Variants in LCMT1 observed in about 807,000 individuals in gnomAD.
LCMT1 encodes the protein [Phosphatase 2A protein]-leucine-carboxy methyltransferase 1.
A neutral mutation model predicts 47.7 loss-of-function variants in LCMT1; 32 were observed. That is an observed-to-expected ratio of 0.67 (90% CI 0.51 to 0.90). LCMT1 has a LOEUF of 0.90. Ranked by LOEUF, LCMT1 falls within the 40% of genes least tolerant of loss-of-function variation. The probability of loss-of-function intolerance (pLI) is 0.00; values close to 1 mark genes in which losing one functional copy is unlikely to be tolerated. For synonymous variants in LCMT1, 152 were observed against 149.7 expected (o/e 1.02, Z -0.11); for missense variants, 375 against 415.2 (o/e 0.90, Z 0.84).
At chr16:25,125,180 G>A (rs1381207146) in intron 1 of LCMT1, among the ~76,000 whole-genome samples, 1 of 152,230 alleles carries the variant, frequency 6.6e-6, no homozygotes, top group Non-Finnish European at 1.5e-5. Context: ...ACAGTGTCAT[G>A]CAGGGTGCAG....
intron 2 of LCMT1, among the ~76,000 whole-genome samples, chr16:25,131,944 G>A (rs1248764785): frequency 6.6e-6 from 1 of 152,176 alleles, no homozygotes; most frequent in Non-Finnish European, 1.5e-5. Context: ...GGGTGGAGGT[G>A]AAGGGAACAG....
chr16:25,144,448 T>C (rs1960789176), intron 4 of LCMT1: 1 of 152,378 alleles, frequency 6.6e-6, no homozygotes, highest in East Asian at 1.9e-4. Context: ...GTCTTTGCAT[T>C]CTCAAGAGGC....
chr16:25,143,563 C>T (rs534918703), intron 4 of LCMT1: 1 of 152,212 alleles, frequency 6.6e-6, no homozygotes, highest in Non-Finnish European at 1.5e-5. Flanking sequence ...CTTGACCCGT[C>T]CAGTAAAAGT....
At position 25,170,017 on chromosome 16, in the gene LCMT1, C is replaced by T. The variant is rs187886708; in HGVS notation, c.793-697C>T. Among the ~76,000 whole-genome samples, 785 of 152,024 alleles carry T rather than the reference C, an allele frequency of 5.2e-3. 9 individuals carry two copies. Among genetic ancestry groups the T allele is most frequent in the African/African-American group, 0.018 (746 of 41,466 alleles). On this transcript the variant is annotated intron_variant, in intron 8 of 10. Coordinates refer to ENST00000399069, the MANE Select transcript of LCMT1 (RefSeq NM_016309.3). ...GGCGGATCACCTGAGTTCAGGAGTTCGACACTAGCCTGGCCAACATGGTGA... is the reference window on the plus strand; with the variant it reads ...GGCGGATCACCTGAGTTCAGGAGTTTGACACTAGCCTGGCCAACATGGTGA...
chr16:25,166,669 G>A (rs918468751), intron 7 of LCMT1, among the ~76,000 whole-genome samples: 5 of 152,074 alleles, frequency 3.3e-5, no homozygotes, highest in Admixed American at 3.3e-4. Flanking sequence ...TCACACATAA[G>A]AGCCATCAGG....
chr16:25,141,922 A>G (rs1029021333), intron 4 of LCMT1: 5 of 152,256 alleles, frequency 3.3e-5, no homozygotes, highest in Non-Finnish European at 7.3e-5. Context: ...CCAAGGGGCT[A>G]TTCCAACTCC....
intron 1 of LCMT1, among the ~76,000 whole-genome samples, chr16:25,117,129 T>C (rs1567305344): frequency 6.6e-6 from 1 of 152,158 alleles, no homozygotes; most frequent in Non-Finnish European, 1.5e-5. Flanking sequence ...GATCTTGGTT[T>C]GTGTTTTAGA....
intron 1 of LCMT1, among the ~76,000 whole-genome samples, chr16:25,122,121 G>A (rs184219188): frequency 2.1e-3 from 322 of 152,312 alleles, no homozygotes; most frequent in Non-Finnish European, 3.2e-3. Flanking sequence ...TATATCAGTT[G>A]TACCTACCCA....
intron 1 of LCMT1, among the ~76,000 whole-genome samples, chr16:25,114,351 G>T (rs1959721731): frequency 6.6e-6 from 1 of 152,160 alleles, no homozygotes; most frequent in Non-Finnish European, 1.5e-5. Context: ...AGAATTGGTA[G>T]TTAACAGTCA....
At chr16:25,125,558 G>T (rs550676230) in intron 1 of LCMT1, among the ~76,000 whole-genome samples, 1 of 152,172 alleles carries the variant, frequency 6.6e-6, no homozygotes, top group East Asian at 1.9e-4. Context: ...TGTTGGGTCG[G>T]GCGCGGTGGC....
intron 5 of LCMT1, among the ~76,000 whole-genome samples, chr16:25,153,743 A>G (rs919814505): frequency 4.6e-5 from 7 of 152,098 alleles, no homozygotes; most frequent in Non-Finnish European, 8.8e-5. Flanking sequence ...ACCTGAGGTC[A>G]GGGGTTCGAG....
chr16:25,174,595 A>G (rs1327729786), intron 9 of LCMT1, among the ~76,000 whole-genome samples: 1 of 152,186 alleles, frequency 6.6e-6, no homozygotes, highest in Non-Finnish European at 1.5e-5. Context: ...TTTTGACAGT[A>G]TGAATCTGCT....
At chr16:25,118,219 CTG>C (rs1161501729) in intron 1 of LCMT1, among the ~76,000 whole-genome samples, 2 of 152,204 alleles carry the variant, frequency 1.3e-5, no homozygotes, top group African/African-American at 4.8e-5. Context: ...CCAGCCTGCT[CTG>C]TGTACTTCCC....
At chr16:25,161,884 A>G (rs1199367492) in intron 6 of LCMT1, among the ~76,000 whole-genome samples, 2 of 152,202 alleles carry the variant, frequency 1.3e-5, no homozygotes, top group African/African-American at 2.4e-5. Flanking sequence ...AAGAAACTGA[A>G]TATCATATGA....
intron 5 of LCMT1, among the ~76,000 whole-genome samples, chr16:25,158,256 A>T (rs964062306): frequency 6.6e-6 from 1 of 152,280 alleles, no homozygotes; most frequent in Middle Eastern, 3.4e-3. Flanking sequence ...GGTTCAAGCA[A>T]TTCCCATGCC....
chr16:25,153,779 C>T (rs1159820421), intron 5 of LCMT1, among the ~76,000 whole-genome samples: 1 of 151,932 alleles, frequency 6.6e-6, no homozygotes, highest in Non-Finnish European at 1.5e-5. Flanking sequence ...ATGATGAAAC[C>T]CCGTCTCTAC....
chr16:25,161,222 A>C lies in LCMT1; in HGVS notation c.569+18A>C. On this transcript the variant is annotated intron_variant, in intron 6 of 10. Coordinates refer to ENST00000399069, the MANE Select transcript of LCMT1 (RefSeq NM_016309.3). ...AATACACAGTGAGATTTTTTTTTTT[A>C]AACCTCTTCTGCATTTGTGATTTTA... 1 of 1,335,166 alleles carries C rather than the reference A, an allele frequency of 7.5e-7. No individual in the cohort carries two copies. Among genetic ancestry groups the C allele is most frequent in the Non-Finnish European group, 1.1e-6 (1 of 948,984 alleles). The allele number at this position is 1,335,166 out of a possible 1,614,324, so 82.7% of individuals were successfully genotyped here.
intron 4 of LCMT1, chr16:25,148,333 C>T (rs1452562789): frequency 1.3e-5 from 2 of 152,260 alleles, no homozygotes; most frequent in Non-Finnish European, 2.9e-5. Flanking sequence ...AGGCAAACTC[C>T]AGCCCCATGT....
Position 25,155,131 on chromosome 16 carries a change from T to C in LCMT1, c.466+3516T>C, listed in dbSNP as rs894825730. 3.9e-5 allele frequency among the ~76,000 whole-genome samples: 6 copies of C among 152,178 alleles called. No homozygotes were observed. The South Asian group carries it at 6.2e-4, about 16-fold the overall frequency. On this transcript the variant is annotated intron_variant, in intron 5 of 10. Coordinates refer to ENST00000399069, the MANE Select transcript of LCMT1 (RefSeq NM_016309.3). ...ACACTTAAGCTGACACATCACCAACTGTTAGATGCATCCTGATTTCAGGAA... is the reference window on the plus strand; with the variant it reads ...ACACTTAAGCTGACACATCACCAACCGTTAGATGCATCCTGATTTCAGGAA...
Sources: gnomAD v4.1 joint callset for allele counts (sites outside exome capture counted in the v4.1 genomes callset) on GRCh38, gnomAD v4.1.1 for gene constraint, MANE v1.5 for transcripts, NCBI Gene and HGNC (gene_info 2026-07-23, HGNC 2026-07-21) for gene names.